CHKA: variants seen among roughly 807,000 people sequenced by gnomAD.
CHKA encodes CHETK-alpha.
A neutral mutation model predicts 60.1 loss-of-function variants in CHKA; 34 were observed. The observed-to-expected ratio is 0.57, with a 90% CI of 0.43 to 0.75. The LOEUF is 0.75. CHKA is among the 30% of genes least tolerant of loss of function. The probability of loss-of-function intolerance (pLI) is 0.00; values close to 1 mark genes in which losing one functional copy is unlikely to be tolerated. For synonymous variants in CHKA, 217 were observed against 223.1 expected, an observed-to-expected ratio of 0.97 and a Z score of 0.24; for missense variants, 563 against 561.3, an observed-to-expected ratio of 1.00 and a Z score of -0.03.
At chr11:68,107,431 T>C (rs1261978632) in intron 1 of CHKA, among the ~76,000 whole-genome samples, 1 of 152,096 alleles carries the variant, frequency 6.6e-6, no homozygotes, top group Non-Finnish European at 1.5e-5. Context: ...CCTTCCTCTA[T>C]TCAAAATAAT....
intron 1 of CHKA, among the ~76,000 whole-genome samples, chr11:68,120,551 C>T (rs1858586453): frequency 6.6e-6 from 1 of 152,272 alleles, no homozygotes. Flanking sequence ...CGGTATTGTT[C>T]TCCTAGAACA....
chr11:68,100,411 G>A (rs1275721328), intron 1 of CHKA, among the ~76,000 whole-genome samples: 1 of 151,944 alleles, frequency 6.6e-6, no homozygotes, highest in African/African-American at 2.4e-5. Context: ...CCAACATGGT[G>A]AAACCCTGTC....
At position 68,095,964 on chromosome 11, in the gene CHKA, C is replaced by T. The variant is rs191074927; in HGVS notation, c.462+1055G>A. On this transcript the variant is annotated intron_variant, in intron 2 of 11. Transcript: ENST00000265689. ...CTGAGGCAGGAGAATGGCTTGAACC[C>T]GGGAGGCAGAGGCTGCAGTGAGCCG... 6.5e-3 allele frequency among the ~76,000 whole-genome samples: 988 copies of T among 151,660 alleles called. 7 individuals are homozygous for T. Among genetic ancestry groups the T allele is most frequent in the Middle Eastern group, 0.01 (3 of 292 alleles).
chr11:68,054,185 A>G, intron 11 of CHKA, 138 bp from the exon 12 acceptor site: 1 of 688,576 alleles, frequency 1.5e-6, no homozygotes, highest in Admixed American at 2.6e-5. Flanking sequence ...TGGCCTGTGC[A>G]GCAGGGCTGC....
At chr11:68,063,223 A>G (rs866311696) in intron 10 of CHKA, among the ~76,000 whole-genome samples, 11 of 152,154 alleles carry the variant, frequency 7.2e-5, no homozygotes, top group Non-Finnish European at 1.5e-4. Flanking sequence ...GCAGGGACAG[A>G]TGCAGTAGCC....
chr11:68,087,731 G>C (rs1857225930), intron 2 of CHKA, among the ~76,000 whole-genome samples: 1 of 152,124 alleles, frequency 6.6e-6, no homozygotes, highest in African/African-American at 2.4e-5. Context: ...GGATCATTCA[G>C]CTTACTGTCT....
intron 2 of CHKA, among the ~76,000 whole-genome samples, chr11:68,092,432 C>T (rs1214436803): frequency 6.6e-6 from 1 of 152,116 alleles, no homozygotes; most frequent in Non-Finnish European, 1.5e-5. Context: ...ACAGCTAGAT[C>T]ACAGCAAAAA....
At chr11:68,073,275 T>C (rs2134553150) in intron 4 of CHKA, among the ~76,000 whole-genome samples, 1 of 152,354 alleles carries the variant, frequency 6.6e-6, no homozygotes, top group South Asian at 2.1e-4. Flanking sequence ...TGCAGTTTGA[T>C]CATTCAACAT....
chr11:68,062,916 G>A (rs940328126), intron 10 of CHKA, among the ~76,000 whole-genome samples: 4 of 152,112 alleles, frequency 2.6e-5, no homozygotes, highest in East Asian at 1.9e-4. Flanking sequence ...TGCTAAGTGC[G>A]TGGAAAGATG....
intron 1 of CHKA, among the ~76,000 whole-genome samples, chr11:68,117,521 T>A (rs1208592255): frequency 6.6e-6 from 1 of 151,972 alleles, no homozygotes; most frequent in Non-Finnish European, 1.5e-5. Context: ...AAACCCTATC[T>A]CTACCAAAAA....
chr11:68,064,656 G>T, intron 9 of CHKA, 25 bp from the exon 10 acceptor site: 1 of 1,337,798 alleles, frequency 7.5e-7, no homozygotes, highest in South Asian at 1.3e-5. Context: ...ATTGTGTTAG[G>T]ATCAATGATG....
At chr11:68,081,581 G>A (rs550050153) in intron 2 of CHKA, 124 bp from the exon 3 acceptor site, 2 of 710,392 alleles carry the variant, frequency 2.8e-6, no homozygotes, top group African/African-American at 3.5e-5. Context: ...AGGTTTCTCA[G>A]CCCACCGATG....
At chr11:68,059,514 T>C (rs1182317451) in intron 11 of CHKA, among the ~76,000 whole-genome samples, 1 of 152,242 alleles carries the variant, frequency 6.6e-6, no homozygotes, top group East Asian at 1.9e-4. Context: ...TCTTATGGAA[T>C]ATAAACATTT....
Position 68,066,420 on chromosome 11 carries a change from A to G in CHKA, c.1016+9T>C, listed in dbSNP as rs1856447307. 3.8e-6 allele frequency: 6 copies of G among 1,592,490 alleles called. No homozygotes were observed. Among genetic ancestry groups the G allele is most frequent in the South Asian group, 1.1e-5 (1 of 90,596 alleles). On this transcript the variant is annotated intron_variant, in intron 8 of 11. Transcript: ENST00000265689. ...ATTGAGATGGAAACACTGGACTGTAACACAGTACCTGTAATTGTAACTGCT... is the reference window on the plus strand; with the variant it reads ...ATTGAGATGGAAACACTGGACTGTAGCACAGTACCTGTAATTGTAACTGCT...
chr11:68,083,243 A>AC (rs1254337319), intron 2 of CHKA, among the ~76,000 whole-genome samples: 12 of 152,196 alleles, frequency 7.9e-5, no homozygotes, highest in Admixed American at 2.6e-4. Context: ...GCCTGGTGCC[A>AC]CGCAGCCAAC....
chr11:68,066,128 A>G (rs1856435879), intron 8 of CHKA, among the ~76,000 whole-genome samples: 1 of 152,170 alleles, frequency 6.6e-6, no homozygotes, highest in African/African-American at 2.4e-5. Flanking sequence ...ACTCCAGAAC[A>G]TTGTGTCTCC....
intron 2 of CHKA, among the ~76,000 whole-genome samples, chr11:68,091,375 A>C (rs1857344920): frequency 6.6e-6 from 1 of 152,206 alleles, no homozygotes; most frequent in African/African-American, 2.4e-5. Flanking sequence ...GATCAGACCA[A>C]TATTTTTATG....
chr11:68,114,673 G>A (rs1330175371), intron 1 of CHKA, among the ~76,000 whole-genome samples: 2 of 151,204 alleles, frequency 1.3e-5, no homozygotes, highest in Non-Finnish European at 1.5e-5. Context: ...CTCCAGCCTC[G>A]GCGACAGAGC....
chr11:68,084,701 T>A (rs894420223), intron 2 of CHKA, among the ~76,000 whole-genome samples: 5 of 152,048 alleles, frequency 3.3e-5, no homozygotes, highest in South Asian at 2.1e-4. Context: ...TGGTCATTTT[T>A]AAAAAATCAT....
Sources: allele counts gnomAD v4.1 joint callset (sites outside exome capture counted in the v4.1 genomes callset), GRCh38; gene constraint gnomAD v4.1.1; transcripts MANE v1.5; gene names NCBI Gene and HGNC (gene_info 2026-07-23, HGNC 2026-07-21).